Variants in ARPP21 observed in about 807,000 individuals in gnomAD.
The protein encoded by ARPP21 is cAMP regulated phosphoprotein 21.
ARPP21 carries 69 observed loss-of-function variants against 113.2 expected under a neutral mutation model. The ratio of observed to expected loss-of-function variants is 0.61; its 90% confidence interval spans 0.50 to 0.74. The LOEUF is 0.74. Ranked by LOEUF, ARPP21 falls within the 30% of genes least tolerant of loss-of-function variation. The probability of loss-of-function intolerance (pLI) is 0.00; values close to 1 mark genes in which losing one functional copy is unlikely to be tolerated. For missense variants in ARPP21, 1,070 were observed against 1,037.4 expected, an observed-to-expected ratio of 1.03 and a Z score of -0.43; for synonymous variants, 368 against 375.5, an observed-to-expected ratio of 0.98 and a Z score of 0.23.
At chr3:35,712,158 T>C (rs1293210319) in intron 11 of ARPP21, among the ~76,000 whole-genome samples, 1 of 152,226 alleles carries the variant, frequency 6.6e-6, no homozygotes, top group Admixed American at 6.5e-5. Flanking sequence ...AGATCATTCT[T>C]TCATAAGATG....
intron 19 of ARPP21, among the ~76,000 whole-genome samples, chr3:35,791,504 C>G (rs994556198): frequency 2.6e-5 from 4 of 151,778 alleles, no homozygotes; most frequent in Non-Finnish European, 5.9e-5. Context: ...ACTTTCTTCC[C>G]AACATTTATA....
chr3:35,762,569 A>C (rs2095822115), intron 19 of ARPP21, among the ~76,000 whole-genome samples: 1 of 152,122 alleles, frequency 6.6e-6, no homozygotes, highest in South Asian at 2.1e-4. Flanking sequence ...GGGCTGGGAA[A>C]GGAAAACATT....
intron 1 of ARPP21, among the ~76,000 whole-genome samples, chr3:35,668,354 G>A (rs1189165711): frequency 6.6e-6 from 1 of 152,086 alleles, no homozygotes; most frequent in Admixed American, 6.6e-5. Context: ...CTAGTGGATT[G>A]CCAGTAGAGC....
At chr3:35,666,089 A>T (rs1173368955) in intron 1 of ARPP21, among the ~76,000 whole-genome samples, 1 of 152,078 alleles carries the variant, frequency 6.6e-6, no homozygotes, top group Non-Finnish European at 1.5e-5. Context: ...TACTTGGGGG[A>T]TACTCAGTCA....
At chr3:35,697,741 C>T (rs941532575) in intron 9 of ARPP21, among the ~76,000 whole-genome samples, 2 of 151,500 alleles carry the variant, frequency 1.3e-5, no homozygotes, top group Non-Finnish European at 3.0e-5. Flanking sequence ...TGGGAATCCT[C>T]GGTGTTTGGC....
Position 35,671,106 on chromosome 3 carries a change from C to T in ARPP21, c.-212-8681C>T, listed in dbSNP as rs369901160. On this transcript the variant is annotated intron_variant, in intron 1 of 20. Transcript: ENST00000684406. ...TAAAGGCACATAGCTCCTTTCACTC[C>T]CCTGGCTGCTTTCCTTGTCTCCCAG... Among the ~76,000 whole-genome samples, 27 of 152,222 alleles carry T rather than the reference C, an allele frequency of 1.8e-4. No individual in the cohort carries two copies. In the East Asian group the frequency reaches 5.0e-3, roughly 28 times the overall value.
At chr3:35,691,143 T>C (rs1317967639) in intron 9 of ARPP21, 138 bp downstream of exon 9, 3 of 923,794 alleles carry the variant, frequency 3.2e-6, no homozygotes, top group Admixed American at 3.1e-5. Context: ...TCAGAAGTAG[T>C]GTGGCATTTA....
chr3:35,761,332 G>A (rs755437628), intron 19 of ARPP21, among the ~76,000 whole-genome samples: 42 of 152,184 alleles, frequency 2.8e-4, no homozygotes, highest in Non-Finnish European at 5.4e-4. Context: ...GGTAAGGTAC[G>A]TGAAAAATTT....
At chr3:35,676,991 AG>A (rs2077656829) in intron 1 of ARPP21, among the ~76,000 whole-genome samples, 1 of 151,938 alleles carries the variant, frequency 6.6e-6, no homozygotes, top group African/African-American at 2.4e-5. Flanking sequence ...CTTAAAAAGA[AG>A]AAGCAGTGCA....
chr3:35,730,354 TC>T (rs1249606924), intron 15 of ARPP21, among the ~76,000 whole-genome samples: 9 of 152,222 alleles, frequency 5.9e-5, no homozygotes, highest in African/African-American at 2.2e-4. Flanking sequence ...CCAAGGCCAT[TC>T]CGCAATATCT....
At position 35,661,614 on chromosome 3, in the gene ARPP21, C is replaced by T. The variant is rs559509542; in HGVS notation, c.-212-18173C>T. On this transcript the variant is annotated intron_variant, in intron 1 of 20. Coordinates refer to ENST00000684406, the MANE Select transcript of ARPP21 (RefSeq NM_001385562.1). ...AGAACACTTATAAATTTCTTATGAC[C>T]GGCTATAAAATTCAAAAAATCAACA... is the stretch of plus-strand genomic sequence containing the variant. 7.2e-5 allele frequency among the ~76,000 whole-genome samples: 11 copies of T among 152,184 alleles called. No homozygotes were observed. In the East Asian group the frequency reaches 9.7e-4, roughly 13 times the overall value.
At position 35,683,817 on chromosome 3, in the gene ARPP21, T is replaced by A; in HGVS notation, c.261+2T>A. 1 of 1,373,102 alleles carries A rather than the reference T, an allele frequency of 7.3e-7. No individual in the cohort carries two copies. The highest frequency in any genetic ancestry group is 1.0e-6 in the Non-Finnish European group (1 of 962,274). 85.1% of individuals were successfully genotyped at this position (1,373,102 alleles called of 1,614,324 possible). A position where few individuals can be genotyped will look rare whatever the true frequency, so the allele number is the denominator to read the frequency against. On this transcript the variant is annotated splice_donor_variant, in intron 5 of 20. Transcript: ENST00000684406. LOFTEE classifies it high-confidence loss of function. ...GGAGGTGAAAGTCTTCAGGATCAGG[T>A]ATATCCCCTTGCCATTATCATTAAT...
chr3:35,777,818 A>G (rs954247496), intron 19 of ARPP21, among the ~76,000 whole-genome samples: 1 of 152,182 alleles, frequency 6.6e-6, no homozygotes, highest in African/African-American at 2.4e-5. Flanking sequence ...ATGAATCATA[A>G]TTTAACTTTT....
chr3:35,734,927 A>G (rs2094245511), intron 15 of ARPP21, among the ~76,000 whole-genome samples: 1 of 152,232 alleles, frequency 6.6e-6, no homozygotes, highest in Non-Finnish European at 1.5e-5. Context: ...GAGTATATCT[A>G]GTCTTCCTAT....
At position 35,793,707 on chromosome 3, in the gene ARPP21, A is replaced by G. The variant is rs1281047078; in HGVS notation, c.2293A>G (p.Met765Val). 3.1e-6 allele frequency: 5 copies of G among 1,613,536 alleles called. No homozygotes were observed. In the African/African-American group the frequency reaches 4.0e-5, roughly 13 times the overall value. ...TGCTTGTGTCTTTTTACAGGTGCCA[A>G]TGACCCAGGGTTCTCAAGGACTGCC... ...YPTMSSYQVP[M>V]TQGSQGLPQQ... Residue 765 changes from methionine to valine, a missense_variant, in exon 21 of 21, where the codon ATG (methionine) becomes GTG (valine). Physicochemically the swap from Met to Val is conservative, Grantham distance 21. Transcript: ENST00000684406.
chr3:35,707,521 T>C (rs1278321987), intron 10 of ARPP21: 3 of 458,694 alleles, frequency 6.5e-6, no homozygotes, highest in African/African-American at 4.0e-5. Context: ...GGTGTAGCTG[T>C]AAAGAACAAA....
chr3:35,640,548 T>C (rs1697685259), intron 1 of ARPP21, 150 bp downstream of exon 1: 1 of 152,210 alleles, frequency 6.6e-6, no homozygotes, highest in Non-Finnish European at 1.5e-5. Flanking sequence ...CTGATGTTGT[T>C]ATACATGTAT....
intron 9 of ARPP21, among the ~76,000 whole-genome samples, chr3:35,700,308 A>G (rs1345558659): frequency 1.3e-5 from 2 of 151,822 alleles, no homozygotes; most frequent in East Asian, 1.9e-4. Flanking sequence ...TTATGTCTGT[A>G]TGCTTTAAAC....
upstream of ARPP21, chr3:35,639,165 C>G (rs1575318559): frequency 6.6e-6 from 1 of 152,272 alleles, no homozygotes; most frequent in African/African-American, 2.4e-5. The surrounding 1 kb of genome is among the most constrained non-coding windows in gnomAD (Gnocchi z 5.0). Context: ...CGCTGCTGCG[C>G]GTGGCTCATG....
Sources: allele counts gnomAD v4.1 joint callset (sites outside exome capture counted in the v4.1 genomes callset), GRCh38; gene constraint gnomAD v4.1.1; non-coding constraint Gnocchi (gnomAD v3.1); transcripts MANE v1.5; gene names NCBI Gene and HGNC (gene_info 2026-07-23, HGNC 2026-07-21).